Variants in FAF1 observed in about 807,000 individuals in gnomAD.
FAF1 encodes Fas associated factor 1.
In FAF1, 25 loss-of-function variants were observed where a neutral mutation model predicts 92.5. The observed-to-expected ratio is 0.27, with a 90% CI of 0.20 to 0.38. The LOEUF is 0.38. Among genes scored for constraint, FAF1 ranks in the 10% least tolerant of loss-of-function variants. The pLI, the probability that FAF1 is intolerant of heterozygous loss-of-function variation, is 1.00. For synonymous variants in FAF1, 234 were observed against 273.2 expected (o/e 0.86, Z 1.42); for missense variants, 636 against 793.3 (o/e 0.80, Z 2.38).
Position 50,895,745 on chromosome 1 carries a change from A to C in FAF1, c.46-37748T>G, listed in dbSNP as rs556904632. ...TGCAAGGGTGGTTCAATATACACAAATCAATCTATGTGACACATCATATCG... is the reference window on the plus strand; with the variant it reads ...TGCAAGGGTGGTTCAATATACACAACTCAATCTATGTGACACATCATATCG... On this transcript the variant is annotated intron_variant, in intron 1 of 18. Coordinates refer to ENST00000396153, the MANE Select transcript of FAF1 (RefSeq NM_007051.3). 2.0e-4 allele frequency among the ~76,000 whole-genome samples: 30 copies of C among 152,318 alleles called. No homozygotes were observed. The South Asian group carries it at 6.2e-3, about 32-fold the overall frequency.
intron 2 of FAF1, among the ~76,000 whole-genome samples, chr1:50,843,539 C>T (rs1644273411): frequency 6.6e-6 from 1 of 152,100 alleles, no homozygotes; most frequent in Non-Finnish European, 1.5e-5. Flanking sequence ...CCCCCGCTCC[C>T]TACCACCCTT....
chr1:50,827,185 G>A (rs1221722608), intron 2 of FAF1, among the ~76,000 whole-genome samples: 1 of 152,094 alleles, frequency 6.6e-6, no homozygotes, highest in African/African-American at 2.4e-5. Context: ...TTGTCAAAAA[G>A]AAAAGGGGGA....
intron 18 of FAF1, among the ~76,000 whole-genome samples, chr1:50,468,924 T>C (rs1646535068): frequency 6.6e-6 from 1 of 152,162 alleles, no homozygotes; most frequent in Non-Finnish European, 1.5e-5. Flanking sequence ...AATTTAAAAC[T>C]TACAATTTAG....
At position 50,644,671 on chromosome 1, in the gene FAF1, A is replaced by G. The variant is rs1654500916; in HGVS notation, c.744+10771T>C. ...CCTCCAGGCAGAATTTAAGACTCTC[A>G]TAGAACTCTTGTTTCCTTCTTCAGA... is the stretch of plus-strand genomic sequence containing the variant. On this transcript the variant is annotated intron_variant, in intron 8 of 18. Coordinates refer to ENST00000396153, the MANE Select transcript of FAF1 (RefSeq NM_007051.3). Among the ~76,000 whole-genome samples, 3 of 152,216 alleles carry G rather than the reference A, an allele frequency of 2.0e-5. No individual in the cohort carries two copies. The South Asian group carries it at 6.2e-4, about 32-fold the overall frequency.
At chr1:50,567,668 G>A (rs1650233646) in intron 12 of FAF1, among the ~76,000 whole-genome samples, 1 of 151,886 alleles carries the variant, frequency 6.6e-6, no homozygotes, top group Non-Finnish European at 1.5e-5. Flanking sequence ...ATTTTTTATG[G>A]TTTTAATCTG....
intron 4 of FAF1, among the ~76,000 whole-genome samples, chr1:50,757,963 G>A (rs949576070): frequency 6.6e-6 from 1 of 152,058 alleles, no homozygotes; most frequent in Non-Finnish European, 1.5e-5. Context: ...TGACACCCAG[G>A]CTGGAGTGCA....
intron 1 of FAF1, among the ~76,000 whole-genome samples, chr1:50,956,897 G>A (rs1036583441): frequency 1.3e-5 from 2 of 152,142 alleles, no homozygotes; most frequent in African/African-American, 2.4e-5. Flanking sequence ...GCAGTGAGGC[G>A]AGATCATGCC....
chr1:50,908,139 C>G (rs1644855039), intron 1 of FAF1, among the ~76,000 whole-genome samples: 1 of 152,198 alleles, frequency 6.6e-6, no homozygotes, highest in Non-Finnish European at 1.5e-5. Flanking sequence ...ACCCAGTAGT[C>G]ATTCAGGAGC....
chr1:50,452,002 A>G (rs1312335831), intron 18 of FAF1: 3 of 1,235,566 alleles, frequency 2.4e-6, no homozygotes, highest in Non-Finnish European at 3.1e-6. Context: ...TTTGGTCACT[A>G]TACTATTAAA....
chr1:50,803,169 T>C (rs1449195302), intron 2 of FAF1, among the ~76,000 whole-genome samples: 1 of 152,172 alleles, frequency 6.6e-6, no homozygotes, highest in East Asian at 1.9e-4. Context: ...ACTATCCTCT[T>C]TTGGTCAACA....
chr1:50,476,986 A>G (rs1051432967), intron 17 of FAF1, among the ~76,000 whole-genome samples: 3 of 152,206 alleles, frequency 2.0e-5, no homozygotes, highest in South Asian at 2.1e-4. Context: ...AAGAGGTGAC[A>G]TCTGGTGTTT....
intron 15 of FAF1, among the ~76,000 whole-genome samples, chr1:50,533,688 G>T (rs1320582004): frequency 3.9e-5 from 6 of 152,028 alleles, no homozygotes; most frequent in Non-Finnish European, 7.4e-5. Context: ...TCATTGTTCA[G>T]AAATAAAACT....
At chr1:50,928,675 C>G (rs1299868778) in intron 1 of FAF1, among the ~76,000 whole-genome samples, 1 of 149,296 alleles carries the variant, frequency 6.7e-6, no homozygotes, top group Non-Finnish European at 1.5e-5. Context: ...CCCAACTACT[C>G]GAGAGGCTGA....
At chr1:50,905,073 T>A (rs1041545683) in intron 1 of FAF1, among the ~76,000 whole-genome samples, 2 of 152,126 alleles carry the variant, frequency 1.3e-5, no homozygotes, top group Non-Finnish European at 2.9e-5. Flanking sequence ...TGTGTGATGT[T>A]CCCCACCCTG....
chr1:50,869,129 T>A (rs1644506628), intron 1 of FAF1, among the ~76,000 whole-genome samples: 1 of 152,166 alleles, frequency 6.6e-6, no homozygotes, highest in Non-Finnish European at 1.5e-5. Context: ...TTATGTTTCT[T>A]TTATCTTTGG....
chr1:50,558,352 C>T (rs913478302), intron 13 of FAF1, among the ~76,000 whole-genome samples: 21 of 151,934 alleles, frequency 1.4e-4, no homozygotes, highest in Non-Finnish European at 4.4e-5. Flanking sequence ...TTGGGAGTAA[C>T]TATTTGCATA....
intron 17 of FAF1, among the ~76,000 whole-genome samples, chr1:50,487,519 T>C (rs995631369): frequency 2.0e-5 from 3 of 152,212 alleles, no homozygotes; most frequent in Non-Finnish European, 4.4e-5. Flanking sequence ...TAAGTACATA[T>C]ATAAATTAAT....
chr1:50,875,335 TG>T, intron 1 of FAF1, among the ~76,000 whole-genome samples: 1 of 152,328 alleles, frequency 6.6e-6, no homozygotes, highest in East Asian at 1.9e-4. Context: ...ATGTATACAT[TG>T]TAGAATGGCT....
chr1:50,953,441 A>G lies in FAF1; in HGVS notation c.45+6326T>C, dbSNP rs567769565. 3.3e-5 allele frequency among the ~76,000 whole-genome samples: 5 copies of G among 151,902 alleles called. No homozygotes were observed. In the South Asian group the frequency reaches 1.0e-3, roughly 31 times the overall value. ...TAAATAAATTTTTAAAAAAAGAAAA[A>G]AAAGAAAATTTGGCCAGACGCAGTG... On this transcript the variant is annotated intron_variant, in intron 1 of 18. Coordinates refer to ENST00000396153, the MANE Select transcript of FAF1 (RefSeq NM_007051.3).
Sources: allele counts gnomAD v4.1 joint callset (sites outside exome capture counted in the v4.1 genomes callset), GRCh38; gene constraint gnomAD v4.1.1; transcripts MANE v1.5; gene names NCBI Gene and HGNC (gene_info 2026-07-23, HGNC 2026-07-21).